Variants in AKAP1 observed in about 807,000 individuals in gnomAD.
AKAP1 encodes the protein A-kinase anchoring protein 1, also known as A-kinase anchor protein 1, mitochondrial.
Under a neutral mutation model 79.8 loss-of-function variants are expected in AKAP1, and 32 were observed. The ratio of observed to expected loss-of-function variants is 0.40; its 90% CI spans 0.30 to 0.54. The LOEUF is 0.54. AKAP1 is among the 20% of genes least tolerant of loss of function. The probability of loss-of-function intolerance (pLI) is 0.47; values close to 1 mark genes in which losing one functional copy is unlikely to be tolerated. For synonymous variants in AKAP1, 416 were observed against 466.7 expected (o/e 0.89, Z 1.40); for missense variants, 961 against 1,138.9 (o/e 0.84, Z 2.25).
chr17:57,104,269 G>T (rs538181394), intron 1 of AKAP1, among the ~76,000 whole-genome samples: 1 of 152,114 alleles, frequency 6.6e-6, no homozygotes, highest in African/African-American at 2.4e-5. Context: ...GCCCAGCCTC[G>T]ATTCACTTTT....
chr17:57,085,784 G>A (rs1195975287), intron 1 of AKAP1: 2 of 152,378 alleles, frequency 1.3e-5, no homozygotes, highest in East Asian at 3.9e-4. Context: ...AACTTAACCG[G>A]AGCGTGCACA....
At chr17:57,110,293 C>T (rs11655661) in intron 3 of AKAP1, 135 bp downstream of exon 3, 120,492 of 1,239,596 alleles carry the variant, frequency 0.097, 6,560 homozygotes, top group African/African-American at 0.14. Context: ...AGCCAAAGGC[C>T]GCAGGGAAAG....
chr17:57,111,129 C>T (rs749179850), intron 3 of AKAP1, among the ~76,000 whole-genome samples: 2 of 152,160 alleles, frequency 1.3e-5, no homozygotes, highest in Non-Finnish European at 2.9e-5. Context: ...TGAGGATGGA[C>T]CATGTCCCCA....
At chr17:57,119,479 C>T (rs572661366) in intron 10 of AKAP1, among the ~76,000 whole-genome samples, 3 of 151,978 alleles carry the variant, frequency 2.0e-5, no homozygotes, top group South Asian at 2.1e-4. Context: ...TTTGGGAGGC[C>T]GAGACGGGCA....
Position 57,109,041 on chromosome 17 carries a change from C to T in AKAP1, c.1715-984C>T, listed in dbSNP as rs148796523. 4.8e-3 allele frequency among the ~76,000 whole-genome samples: 730 copies of T among 152,314 alleles called. 6 individuals carry two copies. Among genetic ancestry groups the T allele is most frequent in the Non-Finnish European group, 8.0e-3 (543 of 68,030 alleles). ...GGAAGTCATTTTGAAGGTGATTCTTCCTTAGCTGGGAGCAGGATCTCTTGG... is the reference window on the plus strand; with the variant it reads ...GGAAGTCATTTTGAAGGTGATTCTTTCTTAGCTGGGAGCAGGATCTCTTGG... On this transcript the variant is annotated intron_variant, in intron 2 of 10. Transcript: ENST00000337714.
intron 2 of AKAP1, 132 bp from the exon 3 acceptor site, chr17:57,109,893 A>C (rs1915129497): frequency 8.3e-7 from 1 of 1,211,898 alleles, no homozygotes; most frequent in African/African-American, 1.5e-5. Flanking sequence ...GTAAGTTGAC[A>C]GTCACCTGCC....
At chr17:57,115,996 C>A in intron 6 of AKAP1, 115 bp from the exon 7 acceptor site, 1 of 1,253,888 alleles carries the variant, frequency 8.0e-7, no homozygotes, top group Non-Finnish European at 1.1e-6. Flanking sequence ...GTCCCCTGCA[C>A]TGTGGAGGTT....
At chr17:57,091,752 G>T (rs770503439) in intron 1 of AKAP1, among the ~76,000 whole-genome samples, 14 of 151,940 alleles carry the variant, frequency 9.2e-5, no homozygotes, top group Admixed American at 3.3e-4. Context: ...ACAGTGGCTC[G>T]ATCATAGCTC....
Position 57,106,285 on chromosome 17 carries a change from C to T in AKAP1, c.821C>T (p.Ser274Leu), listed in dbSNP as rs377272798. The T allele has an allele frequency of 6.4e-5, 103 of 1,613,994 alleles. No individual in the cohort carries two copies. The Admixed American group carries it at 1.5e-3, about 23-fold the overall frequency. Residue 274 changes from serine to leucine, a missense_variant, in exon 2 of 11, where the codon TCG (serine) becomes TTG (leucine). By Grantham distance (145) the Ser-to-Leu change is moderately radical (BLOSUM62 -2). Around this residue, in one of 3 missense-constraint regions of AKAP1, gnomAD observed 224 missense variants for 210.2 expected, o/e 1.07. Transcript: ENST00000337714. ...AEKLPSRFIE[S>L]AHTELAKDDA... is the part of the protein sequence containing the mutation. ...AAGTTGCCAAGTAGGTTCATCGAGT[C>T]GGCTCACACAGAGCTGGCAAAGGAC...
chr17:57,107,895 G>A, intron 2 of AKAP1: 2 of 1,206,034 alleles, frequency 1.7e-6, no homozygotes, highest in Non-Finnish European at 2.2e-6. Context: ...AGCTTCCTGA[G>A]TTGTCGCTGT....
intron 1 of AKAP1, chr17:57,096,386 G>A (rs1185255002): frequency 6.6e-6 from 1 of 152,200 alleles, no homozygotes; most frequent in Non-Finnish European, 1.5e-5. Flanking sequence ...AGTGTCCCGA[G>A]TTCCTGACAG....
At chr17:57,114,997 T>G (rs1197157811) in intron 6 of AKAP1, among the ~76,000 whole-genome samples, 1 of 152,136 alleles carries the variant, frequency 6.6e-6, no homozygotes, top group Non-Finnish European at 1.5e-5. Context: ...GAATTAGTGT[T>G]GAATACTGTA....
At chr17:57,097,314 T>TGA (rs1410401371) in intron 1 of AKAP1, among the ~76,000 whole-genome samples, 3 of 151,882 alleles carry the variant, frequency 2.0e-5, no homozygotes, top group Non-Finnish European at 4.4e-5. Flanking sequence ...TGTGAGTGAG[T>TGA]GAGAGAGATT....
chr17:57,110,000 G>T (rs376195954), intron 2 of AKAP1, 25 bp from the exon 3 acceptor site: 5 of 1,612,518 alleles, frequency 3.1e-6, no homozygotes, highest in Non-Finnish European at 4.2e-6. Context: ...GTGTGTGTGC[G>T]TGCCTGCTGC....
rs1915326430 is a variant in AKAP1, at chr17:57,112,680, A to G, written c.2103+62A>G. Reference sequence around the variant, plus strand: ...CTTTCCCCCAAACCTACCCCAAACAAGAAACTCCCCAGACCTCAGGCTAAG... The same window carrying G: ...CTTTCCCCCAAACCTACCCCAAACAGGAAACTCCCCAGACCTCAGGCTAAG... On this transcript the variant is annotated intron_variant, in intron 5 of 10. Coordinates refer to ENST00000337714, the MANE Select transcript of AKAP1 (RefSeq NM_003488.4). 1.9e-6 allele frequency: 3 copies of G among 1,546,550 alleles called. No homozygotes were observed. The Admixed American group carries it at 6.0e-5, about 31-fold the overall frequency.
At chr17:57,110,464 A>G (rs1254977030) in intron 3 of AKAP1, among the ~76,000 whole-genome samples, 1 of 152,006 alleles carries the variant, frequency 6.6e-6, no homozygotes, top group African/African-American at 2.4e-5. Flanking sequence ...TCTATTTGGA[A>G]AAAAAACACC....
rs765380388 is a variant in AKAP1 at position 57,116,897 on chromosome 17, G to A, written c.2470G>A (p.Val824Ile). ...CACCCTGCCGTTTCAGGGAGCAGAA[G>A]TCCTTCTGGACAGTGTGATGCCCCT... ...FVTLPFQGAE[V>I]LLDSVMPLSD... The change falls in exon 8 of 11, where the codon GTC becomes ATC. Residue 824 changes from valine (V) to isoleucine (I), a missense_variant. Coordinates refer to ENST00000337714, the MANE Select transcript of AKAP1 (RefSeq NM_003488.4). The A allele has an allele frequency of 6.2e-7, 1 of 1,614,198 alleles. No homozygotes were observed. Among genetic ancestry groups the A allele is most frequent in the Admixed American group, 1.7e-5 (1 of 60,028 alleles).
In AKAP1 at chr17:57,110,020, T is replaced by G; in HGVS notation, c.1715-5T>G. On this transcript the variant is annotated splice_region_variant and splice_polypyrimidine_tract_variant and intron_variant, in intron 2 of 10. Transcript: ENST00000337714. ...TGTGCGTGCCTGCTGCTTCTTCCCC[T>G]GCAGGTTCTGACAGGAACAGCATGG... is the stretch of plus-strand genomic sequence containing the variant. 6.2e-7 allele frequency: 1 copy of G among 1,613,758 alleles called. No homozygotes were observed. Among genetic ancestry groups the G allele is most frequent in the Non-Finnish European group, 8.5e-7 (1 of 1,179,794 alleles).
In AKAP1 at chr17:57,086,495, C is replaced by T. The variant is rs1385907554; in HGVS notation, c.-25+1097C>T. 2.2e-6 allele frequency: 1 copy of T among 451,842 alleles called. No homozygotes were observed. Among genetic ancestry groups the T allele is most frequent in the East Asian group, 7.0e-5 (1 of 14,260 alleles). 28.0% of individuals were successfully genotyped at this position (451,842 alleles called of 1,614,324 possible). On this transcript the variant is annotated intron_variant, in intron 1 of 10. Coordinates refer to ENST00000337714, the MANE Select transcript of AKAP1 (RefSeq NM_003488.4). This position sits in a 1 kb window ranked among gnomAD's most constrained non-coding sequence, Gnocchi z 5.1. ...TGGGGGATGTCCTGGGTGGCGGCGC[C>T]TTCCTGCCGCCGTTAACACAAACCC...
Sources: gnomAD v4.1 joint callset for allele counts (sites outside exome capture counted in the v4.1 genomes callset) on GRCh38, gnomAD v4.1.1 for gene constraint, gnomAD v4.1.1 regional missense constraint, Gnocchi (gnomAD v3.1) non-coding constraint, MANE v1.5 for transcripts, NCBI Gene and HGNC (gene_info 2026-07-23, HGNC 2026-07-21) for gene names.